PDE4B: variants seen among roughly 807,000 people sequenced by gnomAD.
PDE4B encodes phosphodiesterase 4B, also known as 3',5'-cyclic-AMP phosphodiesterase 4B.
Under a neutral mutation model 82.2 loss-of-function variants are expected in PDE4B, and 20 were observed. The observed-to-expected ratio is 0.24, with a 90% CI of 0.17 to 0.35. The LOEUF (loss-of-function observed/expected upper bound fraction) is 0.35, where lower values mean the gene tolerates loss of function less well. PDE4B is among the 10% of genes least tolerant of loss of function. The pLI is 1.00. For synonymous variants in PDE4B, 320 were observed against 318.9 expected (o/e 1.00, Z -0.04); for missense variants, 655 against 907.2 (o/e 0.72, Z 3.57).
intron 7 of PDE4B, among the ~76,000 whole-genome samples, chr1:66,299,958 AAT>A (rs1375012357): frequency 2.6e-5 from 4 of 152,192 alleles, no homozygotes; most frequent in Non-Finnish European, 5.9e-5. Context: ...ATAAGGAAAA[AAT>A]ATATGTTATA....
At chr1:66,142,321 T>A (rs926575359) in intron 3 of PDE4B, among the ~76,000 whole-genome samples, 1 of 152,156 alleles carries the variant, frequency 6.6e-6, no homozygotes, top group African/African-American at 2.4e-5. Flanking sequence ...AAGTCAACAG[T>A]AGTGCTAAAA....
intron 3 of PDE4B, among the ~76,000 whole-genome samples, chr1:66,081,338 C>T (rs1234007880): frequency 2.0e-5 from 3 of 152,088 alleles, no homozygotes; most frequent in Non-Finnish European, 4.4e-5. Context: ...AATGTTAAGT[C>T]CCACCAGCCT....
intron 3 of PDE4B, among the ~76,000 whole-genome samples, chr1:66,206,302 A>C (rs1332851350): frequency 6.6e-6 from 1 of 152,134 alleles, no homozygotes; most frequent in Non-Finnish European, 1.5e-5. Flanking sequence ...AAAGCTTCTG[A>C]TTCAGTGTCC....
chr1:66,075,915 A>T (rs1226291747), intron 3 of PDE4B, among the ~76,000 whole-genome samples: 1 of 42,950 alleles, frequency 2.3e-5, no homozygotes, highest in Non-Finnish European at 6.0e-5. Flanking sequence ...AAAACAAAAC[A>T]AAACAAAACA....
intron 12 of PDE4B, among the ~76,000 whole-genome samples, chr1:66,365,235 G>C (rs925222492): frequency 5.3e-5 from 8 of 152,176 alleles, no homozygotes. Flanking sequence ...TATGAATCGG[G>C]AGTTTGGCCA....
intron 3 of PDE4B, among the ~76,000 whole-genome samples, chr1:66,155,922 C>T (rs1646494305): frequency 6.6e-6 from 1 of 152,218 alleles, no homozygotes. Context: ...CTGACCCCTG[C>T]CTGATTTCTT....
At chr1:65,792,599 G>A (rs74085349), upstream of PDE4B, 7,633 of 152,056 alleles carry the variant, frequency 0.05, 438 homozygotes, top group African/African-American at 0.12. Context: ...CCCTGGTACC[G>A]TGCCCGCGGA....
intron 9 of PDE4B, among the ~76,000 whole-genome samples, chr1:66,361,370 T>G (rs1662757141): frequency 6.6e-6 from 1 of 152,186 alleles, no homozygotes; most frequent in Non-Finnish European, 1.5e-5. Flanking sequence ...GACAAGTTAC[T>G]TCGTTCCTCT....
chr1:66,368,165 T>C, intron 15 of PDE4B, 100 bp downstream of exon 15: 2 of 1,264,842 alleles, frequency 1.6e-6, no homozygotes, highest in Non-Finnish European at 1.1e-6. Context: ...TATTGGTATA[T>C]CCTAGGCTAC....
At chr1:65,888,196 G>T (rs1205970895) in intron 1 of PDE4B, among the ~76,000 whole-genome samples, 1 of 152,022 alleles carries the variant, frequency 6.6e-6, no homozygotes, top group Non-Finnish European at 1.5e-5. Flanking sequence ...ACCATTTATT[G>T]AAGAGAATGT....
intron 1 of PDE4B, among the ~76,000 whole-genome samples, chr1:65,898,869 G>C (rs1156525951): frequency 6.6e-6 from 1 of 151,738 alleles, no homozygotes; most frequent in Non-Finnish European, 1.5e-5. Context: ...AATTCTAGAA[G>C]ATAACATTGT....
At chr1:65,905,246 G>A (rs928872067) in intron 1 of PDE4B, among the ~76,000 whole-genome samples, 2 of 152,152 alleles carry the variant, frequency 1.3e-5, no homozygotes, top group Admixed American at 6.6e-5. Flanking sequence ...GGTAGGGGAA[G>A]TCCATAAAGG....
intron 7 of PDE4B, among the ~76,000 whole-genome samples, chr1:66,268,786 T>C (rs1274385395): frequency 6.6e-6 from 1 of 151,862 alleles, no homozygotes; most frequent in Non-Finnish European, 1.5e-5. Context: ...TCAATGCAAA[T>C]GTCCTTACTT....
chr1:66,222,785 A>C (rs953979068), intron 3 of PDE4B, among the ~76,000 whole-genome samples: 1 of 152,198 alleles, frequency 6.6e-6, no homozygotes, highest in Non-Finnish European at 1.5e-5. Context: ...ATAAGAATAG[A>C]CGCTCAAGAA....
intron 3 of PDE4B, among the ~76,000 whole-genome samples, chr1:65,962,061 A>G (rs780729379): frequency 1.4e-4 from 21 of 152,210 alleles, no homozygotes; most frequent in Non-Finnish European, 2.4e-4. Flanking sequence ...AGAGCATCAT[A>G]GCTTAGCCCA....
At chr1:66,053,958 C>T (rs1655172897) in intron 3 of PDE4B, among the ~76,000 whole-genome samples, 1 of 152,118 alleles carries the variant, frequency 6.6e-6, no homozygotes. Flanking sequence ...TCCCAGGACA[C>T]AGGATTTTCA....
intron 3 of PDE4B, among the ~76,000 whole-genome samples, chr1:66,023,080 G>T (rs1389480645): frequency 2.0e-5 from 3 of 152,128 alleles, no homozygotes; most frequent in South Asian, 4.1e-4. Flanking sequence ...GTGACAATCT[G>T]TTGGTACCTT....
At chr1:66,105,641 G>T (rs1645334421) in intron 3 of PDE4B, among the ~76,000 whole-genome samples, 1 of 148,456 alleles carries the variant, frequency 6.7e-6, no homozygotes, top group South Asian at 2.1e-4. Flanking sequence ...AGTTCTCCTT[G>T]AAGAAGTCCT....
chr1:66,104,521 T>G (rs1404988252), intron 3 of PDE4B, among the ~76,000 whole-genome samples: 1 of 144,746 alleles, frequency 6.9e-6, no homozygotes, highest in African/African-American at 2.6e-5. Flanking sequence ...CACACTGACT[T>G]CCACAATGGT....
Sources: gnomAD v4.1 joint callset for allele counts (sites outside exome capture counted in the v4.1 genomes callset) on GRCh38, gnomAD v4.1.1 for gene constraint, MANE v1.5 for transcripts, NCBI Gene and HGNC (gene_info 2026-07-23, HGNC 2026-07-21) for gene names.